The following ZNF202 variants were observed in gnomAD, a reference collection of about 807,000 sequenced individuals.
ZNF202 encodes the protein zinc finger protein 202, also known as zinc finger protein with KRAB and SCAN domains 10.
A neutral mutation model predicts 54.5 loss-of-function variants in ZNF202; 22 were observed. That is an observed-to-expected ratio of 0.40 (90% CI 0.29 to 0.58). The LOEUF (loss-of-function observed/expected upper bound fraction) is 0.58, where lower values mean the gene tolerates loss of function less well. Among genes scored for constraint, ZNF202 ranks in the 20% least tolerant of loss-of-function variants. ZNF202 has a pLI of 0.39. For synonymous variants in ZNF202, 294 were observed against 301.4 expected, an observed-to-expected ratio of 0.98 and a Z score of 0.26; for missense variants, 644 against 805.5, an observed-to-expected ratio of 0.80 and a Z score of 2.43.
In ZNF202 at chr11:123,726,199, T is replaced by C; in HGVS notation, c.1745A>G (p.Lys582Arg). 1 of 1,614,212 alleles carries C rather than the reference T, an allele frequency of 6.2e-7. No homozygotes were observed. The highest frequency in any genetic ancestry group is 1.7e-5 in the Admixed American group (1 of 60,034). Residue 582 changes from lysine to arginine, a missense_variant, in exon 9 of 9, where the codon AAG (lysine) becomes AGG (arginine). Transcript: ENST00000530393. This position sits in a 1 kb window ranked among gnomAD's most constrained non-coding sequence, Gnocchi z 6.0. ...RCFTHSAAFAKHLRGHASVRP... is the reference protein window; with the variant it reads ...RCFTHSAAFARHLRGHASVRP... Reference sequence around the variant, plus strand: ...CACTGAGGCGTGTCCTCTCAAGTGCTTGGCGAACGCTGCGCTGTGGGTGAA... The same window carrying C: ...CACTGAGGCGTGTCCTCTCAAGTGCCTGGCGAACGCTGCGCTGTGGGTGAA...
Position 123,730,412 on chromosome 11 carries a change from G to A in ZNF202, c.402+75C>T. ...CTAATAATTTATGGGGATCCTGCAA[G>A]CTCTCCCCGCAAATCCAGCCTTCCA... On this transcript the variant is annotated intron_variant, in intron 4 of 8. Transcript: ENST00000530393. This position sits in a 1 kb window ranked among gnomAD's most constrained non-coding sequence, Gnocchi z 6.0. 2 of 1,473,938 alleles carry A rather than the reference G, an allele frequency of 1.4e-6. No homozygotes were observed. 91.3% of individuals were successfully genotyped at this position (1,473,938 alleles called of 1,614,324 possible).
chr11:123,735,878 TC>T (rs1324762803), intron 3 of ZNF202, among the ~76,000 whole-genome samples: 1 of 152,208 alleles, frequency 6.6e-6, no homozygotes, highest in Non-Finnish European at 1.5e-5. Flanking sequence ...CCTTTGCTAT[TC>T]TAATACCTTT....
At chr11:123,740,854 G>T (rs927251624) in intron 1 of ZNF202, among the ~76,000 whole-genome samples, 4 of 152,198 alleles carry the variant, frequency 2.6e-5, no homozygotes, top group African/African-American at 9.7e-5. Flanking sequence ...AGTAACGCAG[G>T]TGCTGAGAAG....
chr11:123,732,834 T>C (rs1187073431), intron 3 of ZNF202, among the ~76,000 whole-genome samples: 1 of 152,240 alleles, frequency 6.6e-6, no homozygotes, highest in Non-Finnish European at 1.5e-5. Flanking sequence ...ATGCTTTTAC[T>C]ATCTCTTGAT....
At position 123,726,376 on chromosome 11, in the gene ZNF202, A is replaced by T. The variant is rs760927655; in HGVS notation, c.1568T>A (p.Val523Glu). ...GTGGATTCTTTGGTGTGTTGTTAAC[A>T]CAGATTTCTGGCTGAAGCTTTTGCC... ...ICGKSFSQKS[V>E]LTTHQRIHLG... Residue 523 changes from valine to glutamate, a missense_variant, in exon 9 of 9, where the codon GTG becomes GAG. Coordinates refer to ENST00000530393, the MANE Select transcript of ZNF202 (RefSeq NM_003455.4). This position sits in a 1 kb window ranked among gnomAD's most constrained non-coding sequence, Gnocchi z 6.0. 6.2e-7 allele frequency: 1 copy of T among 1,614,188 alleles called. No individual in the cohort carries two copies. Among genetic ancestry groups the T allele is most frequent in the Non-Finnish European group, 8.5e-7 (1 of 1,180,036 alleles).
intron 5 of ZNF202, 52 bp from the exon 6 acceptor site, chr11:123,729,266 G>A: frequency 6.4e-7 from 1 of 1,565,500 alleles, no homozygotes; most frequent in Non-Finnish European, 8.7e-7. Context: ...CCCCAATAAT[G>A]GGCAAAAATC....
In ZNF202 at chr11:123,729,828, G is replaced by A. The variant is rs753087833; in HGVS notation, c.403-3C>T. 1.3e-6 allele frequency: 2 copies of A among 1,594,348 alleles called. No individual in the cohort carries two copies. The highest frequency in any genetic ancestry group is 1.7e-6 in the Non-Finnish European group (2 of 1,171,446). ...TGGCCGTGAACATGGACAGTCACCTGGGAATAATTCCAACTTCCAGTCACC... is the reference window on the plus strand; with the variant it reads ...TGGCCGTGAACATGGACAGTCACCTAGGAATAATTCCAACTTCCAGTCACC... On this transcript the variant is annotated splice_region_variant and splice_polypyrimidine_tract_variant and intron_variant, in intron 4 of 8. Coordinates refer to ENST00000530393, the MANE Select transcript of ZNF202 (RefSeq NM_003455.4).
At position 123,726,781 on chromosome 11, in the gene ZNF202, G is replaced by A; in HGVS notation, c.1163C>T (p.Pro388Leu). The A allele has an allele frequency of 6.2e-7, 1 of 1,614,140 alleles. No individual in the cohort carries two copies. The highest frequency in any genetic ancestry group is 8.5e-7 in the Non-Finnish European group (1 of 1,180,028). Residue 388 changes from proline to leucine, a missense_variant, in exon 9 of 9, where the codon CCC becomes CTC. By Grantham distance (98) the Pro-to-Leu change is moderately conservative. Coordinates refer to ENST00000530393, the MANE Select transcript of ZNF202 (RefSeq NM_003455.4). The surrounding 1 kb of genome is among the most constrained non-coding windows in gnomAD (Gnocchi z 6.0). ...NSFVNLRETT[P>L]VHPLLGRHHD... ...ATGCCTCCCTAACAGGGGGTGGACG[G>A]GTGTAGTTTCCCGAAGGTTCACAAA...
Position 123,730,928 on chromosome 11 carries a change from C to G in ZNF202, c.-40G>C, listed in dbSNP as rs377669489. 6.3e-7 allele frequency: 1 copy of G among 1,578,796 alleles called. No homozygotes were observed. The highest frequency in any genetic ancestry group is 1.4e-5 in the African/African-American group (1 of 73,906). ...GTGGTCTCACACCATCTAGAGCTCA[C>G]ACTGTCATTAGCCCCCCGCCTCAGC... On this transcript the variant is annotated 5_prime_UTR_variant, in exon 4 of 9. Transcript: ENST00000530393. The surrounding 1 kb of genome is among the most constrained non-coding windows in gnomAD (Gnocchi z 6.0).
In ZNF202 at chr11:123,725,681, C is replaced by A. The variant is rs547025721; in HGVS notation, c.*316G>T. 6 of 263,976 alleles carry A rather than the reference C, an allele frequency of 2.3e-5. No individual in the cohort carries two copies. The highest frequency in any genetic ancestry group is 1.9e-4 in the South Asian group (2 of 10,492). 16.4% of individuals were successfully genotyped at this position (263,976 alleles called of 1,614,324 possible). On this transcript the variant is annotated 3_prime_UTR_variant, in exon 9 of 9. Coordinates refer to ENST00000530393, the MANE Select transcript of ZNF202 (RefSeq NM_003455.4). ...GATATGTAACAGCCTATTTTTTGGA[C>A]GATATAGGAACCACGACCTCTTAAG... is the stretch of plus-strand genomic sequence containing the variant.
At position 123,741,183 on chromosome 11, in the gene ZNF202, TC is replaced by T. The variant is rs1414862617; in HGVS notation, c.-294+365del. 7.9e-5 allele frequency among the ~76,000 whole-genome samples: 12 copies of T among 152,058 alleles called. No individual in the cohort carries two copies. In the East Asian group the frequency reaches 2.3e-3, roughly 29 times the overall value. On this transcript the variant is annotated intron_variant, in intron 1 of 8. Coordinates refer to ENST00000530393, the MANE Select transcript of ZNF202 (RefSeq NM_003455.4). ...CGGAAAATAAAGGGGCCTAGACCAC[TC>T]CTCCCTCGGTTCCGGGGGGACAGTT...
intron 3 of ZNF202, among the ~76,000 whole-genome samples, chr11:123,734,670 G>A (rs1471708998): frequency 6.6e-6 from 1 of 152,160 alleles, no homozygotes; most frequent in Non-Finnish European, 1.5e-5. Flanking sequence ...TCACTGGACT[G>A]TAAAGCTCTG....
intron 3 of ZNF202, among the ~76,000 whole-genome samples, chr11:123,738,119 C>T (rs1171331080): frequency 1.3e-5 from 2 of 152,160 alleles, no homozygotes; most frequent in African/African-American, 4.8e-5. Context: ...TCAGGCCATC[C>T]TCCCACCCCA....
At position 123,726,181 on chromosome 11, in the gene ZNF202, G is replaced by A; in HGVS notation, c.1763C>T (p.Ala588Val). 1 of 1,614,228 alleles carries A rather than the reference G, an allele frequency of 6.2e-7. No homozygotes were observed. The highest frequency in any genetic ancestry group is 8.5e-7 in the Non-Finnish European group (1 of 1,180,032). Residue 588 changes from alanine (A) to valine (V), a missense_variant, in exon 9 of 9, where the codon GCC (alanine) becomes GTC (valine). This residue lies in a region of ZNF202 where 536 missense variants were observed against 635.3 expected (regional missense o/e 0.84). Coordinates refer to ENST00000530393, the MANE Select transcript of ZNF202 (RefSeq NM_003455.4). This position sits in a 1 kb window ranked among gnomAD's most constrained non-coding sequence, Gnocchi z 6.0. ...AAFAKHLRGH[A>V]SVRPCRCNEC... ...GTTGCATCGGCAGGGCCTCACTGAG[G>A]CGTGTCCTCTCAAGTGCTTGGCGAA...
At chr11:123,729,965 T>C in intron 4 of ZNF202, 140 bp from the exon 5 acceptor site, 2 of 869,598 alleles carry the variant, frequency 2.3e-6, no homozygotes, top group Non-Finnish European at 3.4e-6. Context: ...CCAGTTTCAA[T>C]GGAGCAGGCA....
chr11:123,733,032 T>C (rs1282925230), intron 3 of ZNF202, among the ~76,000 whole-genome samples: 2 of 152,180 alleles, frequency 1.3e-5, no homozygotes, highest in African/African-American at 2.4e-5. Context: ...CACGGATACA[T>C]TGGAGAGATG....
chr11:123,727,644 CTG>C, intron 7 of ZNF202, 49 bp from the exon 8 acceptor site: 2 of 1,610,866 alleles, frequency 1.2e-6, no homozygotes, highest in Non-Finnish European at 1.7e-6. Context: ...CAACAATTCC[CTG>C]TGTTAAGAGC....
chr11:123,727,737 T>A, intron 7 of ZNF202, 142 bp from the exon 8 acceptor site: 1 of 1,190,584 alleles, frequency 8.4e-7, no homozygotes, highest in Non-Finnish European at 1.2e-6. Context: ...TTAGTTTGTG[T>A]ACTTTTAACC....
chr11:123,729,745 C>T lies in ZNF202; in HGVS notation c.483G>A (p.Glu161=), dbSNP rs749364310. Reference sequence around the variant, plus strand: ...TCGAGCTTTGCACAGGATCCTGCAGCTCATTAGGTGACTCAGGCTCCACTC... The same window carrying T: ...TCGAGCTTTGCACAGGATCCTGCAGTTCATTAGGTGACTCAGGCTCCACTC... ...HLGVEPESPN[E]LQDPVQSSTP... The change falls in exon 5 of 9, where the codon GAG becomes GAA. Residue 161 remains glutamate, a synonymous_variant. Transcript: ENST00000530393. 6.2e-7 allele frequency: 1 copy of T among 1,614,000 alleles called. No homozygotes were observed. Among genetic ancestry groups the T allele is most frequent in the Non-Finnish European group, 8.5e-7 (1 of 1,179,966 alleles).
Sources: gnomAD v4.1 joint callset for allele counts (sites outside exome capture counted in the v4.1 genomes callset) on GRCh38, gnomAD v4.1.1 for gene constraint, gnomAD v4.1.1 regional missense constraint, Gnocchi (gnomAD v3.1) non-coding constraint, MANE v1.5 for transcripts, NCBI Gene and HGNC (gene_info 2026-07-23, HGNC 2026-07-21) for gene names.